Variants in HAUS6 observed in about 807,000 individuals in gnomAD.
The protein encoded by HAUS6 is HAUS augmin-like complex subunit 6.
A neutral mutation model predicts 106.8 loss-of-function variants in HAUS6; 80 were observed. The ratio of observed to expected loss-of-function variants is 0.75; its 90% CI spans 0.63 to 0.90. HAUS6 has a LOEUF of 0.90. Among genes scored for constraint, HAUS6 ranks in the 40% least tolerant of loss-of-function variants. The pLI, the probability that HAUS6 is intolerant of heterozygous loss-of-function variation, is 0.00. For missense variants in HAUS6, 1,155 were observed against 1,118.1 expected (o/e 1.03, Z -0.47); for synonymous variants, 356 against 379.1 (o/e 0.94, Z 0.71).
chr9:19,054,758 C>A lies in HAUS6; in HGVS notation c.*1585G>T, dbSNP rs1402308171. On this transcript the variant is annotated 3_prime_UTR_variant, in exon 17 of 17. Coordinates refer to ENST00000380502, the MANE Select transcript of HAUS6 (RefSeq NM_017645.5). ...ATTTCCTAGCAGCAGTTCTCAAACT[C>A]TTTCTCGAGCTTAAGAATTACCAAG... 3 of 152,186 alleles carry A rather than the reference C, an allele frequency of 2.0e-5. No homozygotes were observed. Among genetic ancestry groups the A allele is most frequent in the Admixed American group, 1.3e-4 (2 of 15,278 alleles). 9.4% of individuals were successfully genotyped at this position (152,186 alleles called of 1,614,324 possible).
At chr9:19,067,211 T>C (rs1836779044) in intron 12 of HAUS6, among the ~76,000 whole-genome samples, 1 of 152,212 alleles carries the variant, frequency 6.6e-6, no homozygotes, top group Non-Finnish European at 1.5e-5. Context: ...AGATGATGTA[T>C]TGCAGATAAA....
intron 12 of HAUS6, among the ~76,000 whole-genome samples, chr9:19,064,832 A>G (rs1836725586): frequency 6.6e-6 from 1 of 152,242 alleles, no homozygotes; most frequent in Admixed American, 6.5e-5. Flanking sequence ...CAGATATCAA[A>G]GGCAAAGAAT....
At chr9:19,099,352 G>C (rs774682186) in intron 1 of HAUS6, among the ~76,000 whole-genome samples, 1 of 152,084 alleles carries the variant, frequency 6.6e-6, no homozygotes, top group African/African-American at 2.4e-5. Flanking sequence ...ATTTTTAGTA[G>C]AGATAGGGTT....
chr9:19,054,688 C>A lies in HAUS6; in HGVS notation c.*1655G>T, dbSNP rs377416446. On this transcript the variant is annotated 3_prime_UTR_variant, in exon 17 of 17. Coordinates refer to ENST00000380502, the MANE Select transcript of HAUS6 (RefSeq NM_017645.5). ...CTCTACCCAAGTATATATGCAACAACGTACCTGCTTCTTAAAAGTACCACA... is the reference window on the plus strand; with the variant it reads ...CTCTACCCAAGTATATATGCAACAAAGTACCTGCTTCTTAAAAGTACCACA... The A allele has an allele frequency of 6.6e-6, 1 of 152,102 alleles. No homozygotes were observed. Among genetic ancestry groups the A allele is most frequent in the African/African-American group, 2.4e-5 (1 of 41,442 alleles). 9.4% of individuals were successfully genotyped at this position (152,102 alleles called of 1,614,324 possible). A position where few individuals can be genotyped will look rare whatever the true frequency, so the allele number is the denominator to read the frequency against.
chr9:19,090,960 C>A (rs189514655), intron 4 of HAUS6, among the ~76,000 whole-genome samples: 50 of 152,204 alleles, frequency 3.3e-4, no homozygotes, highest in Admixed American at 2.9e-3. Flanking sequence ...GGGACTTCCA[C>A]AATGTATTAA....
At chr9:19,093,091 T>C (rs1035440227) in intron 4 of HAUS6, 80 bp downstream of exon 4, 18 of 996,968 alleles carry the variant, frequency 1.8e-5, no homozygotes, top group Admixed American at 2.8e-5. Flanking sequence ...TTTACTAAGA[T>C]CTCTTCACGA....
chr9:19,097,630 C>T (rs1267031578), intron 1 of HAUS6, among the ~76,000 whole-genome samples: 1 of 152,108 alleles, frequency 6.6e-6, no homozygotes, highest in African/African-American at 2.4e-5. Context: ...GGAGAAAGCA[C>T]TGATTTGAAA....
At chr9:19,094,175 A>G in intron 3 of HAUS6, 142 bp downstream of exon 3, 1 of 524,936 alleles carries the variant, frequency 1.9e-6, no homozygotes. Flanking sequence ...AAAACCATCA[A>G]AGAAGACTAT....
In HAUS6 at chr9:19,083,048, G is replaced by C; in HGVS notation, c.700-5C>G. 9 of 1,562,094 alleles carry C rather than the reference G, an allele frequency of 5.8e-6. No homozygotes were observed. Among genetic ancestry groups the C allele is most frequent in the Non-Finnish European group, 6.9e-6 (8 of 1,156,662 alleles). On this transcript the variant is annotated splice_polypyrimidine_tract_variant and splice_region_variant and intron_variant, in intron 7 of 16. Transcript: ENST00000380502. ...TGAAGCCCACAAAGACCGAACCTTT[G>C]GAAACAGAAACAAAATATTAAAGTC... is the stretch of plus-strand genomic sequence containing the variant.
intron 16 of HAUS6, 103 bp from the exon 17 acceptor site, chr9:19,056,507 G>A (rs1291998697): frequency 1.5e-6 from 1 of 678,714 alleles, no homozygotes; most frequent in Non-Finnish European, 2.7e-6. Flanking sequence ...AAGGTTCATA[G>A]CTTTGCAAAT....
At position 19,064,192 on chromosome 9, in the gene HAUS6, C is replaced by G. The variant is rs540614116; in HGVS notation, c.1377-612G>C. 2.6e-5 allele frequency among the ~76,000 whole-genome samples: 4 copies of G among 152,232 alleles called. No homozygotes were observed. In the East Asian group the frequency reaches 7.7e-4, roughly 29 times the overall value. ...ATGTGAGTCAGGCTGGTCTCAAACT[C>G]CCGACCTCAGGTGATCCGCCCACCT... On this transcript the variant is annotated intron_variant, in intron 12 of 16. Coordinates refer to ENST00000380502, the MANE Select transcript of HAUS6 (RefSeq NM_017645.5).
chr9:19,101,655 C>T (rs1336934574), intron 1 of HAUS6, among the ~76,000 whole-genome samples: 2 of 152,182 alleles, frequency 1.3e-5, no homozygotes, highest in African/African-American at 4.8e-5. Context: ...GGCACGGTGG[C>T]TCACGCCTGT....
In HAUS6 at chr9:19,093,791, C is replaced by G. The variant is rs140317307; in HGVS notation, c.304-488G>C. Among the ~76,000 whole-genome samples, 757 of 152,200 alleles carry G rather than the reference C, an allele frequency of 5.0e-3. 8 individuals are homozygous for G. The highest frequency in any genetic ancestry group is 0.018 in the African/African-American group (735 of 41,504). ...GGCTGAGATGGGAGAATCATTCGAA[C>G]CTGGGAGACAGAGGTTGCAGTGAGC... is the stretch of plus-strand genomic sequence containing the variant. On this transcript the variant is annotated intron_variant, in intron 3 of 16. Coordinates refer to ENST00000380502, the MANE Select transcript of HAUS6 (RefSeq NM_017645.5).
At chr9:19,093,054 T>C in intron 4 of HAUS6, 117 bp downstream of exon 4, 1 of 710,548 alleles carries the variant, frequency 1.4e-6, no homozygotes, top group South Asian at 2.1e-5. Context: ...CTTTTTGGGG[T>C]ACATTAATGT....
chr9:19,065,705 G>A lies in HAUS6; in HGVS notation c.1377-2125C>T, dbSNP rs572839181. Among the ~76,000 whole-genome samples the A allele has an allele frequency of 2.0e-4, 30 of 152,008 alleles. 1 individual carries two copies. The South Asian group carries it at 5.8e-3, about 30-fold the overall frequency. ...AAAATACAAAAATTAGCCAGGTGTGGTCATGGGCGCCTGTAATCCCAGCTA... is the reference window on the plus strand; with the variant it reads ...AAAATACAAAAATTAGCCAGGTGTGATCATGGGCGCCTGTAATCCCAGCTA... On this transcript the variant is annotated intron_variant, in intron 12 of 16. Coordinates refer to ENST00000380502, the MANE Select transcript of HAUS6 (RefSeq NM_017645.5).
intron 2 of HAUS6, among the ~76,000 whole-genome samples, chr9:19,095,916 A>G (rs1201888489): frequency 6.6e-6 from 1 of 152,198 alleles, no homozygotes; most frequent in Middle Eastern, 3.2e-3. Context: ...ATGCTTTAAT[A>G]TATCAATGAA....
intron 1 of HAUS6, among the ~76,000 whole-genome samples, chr9:19,099,480 A>C (rs1005451724): frequency 2.7e-5 from 4 of 150,030 alleles, no homozygotes; most frequent in African/African-American, 9.8e-5. Context: ...TTTTGTTTTT[A>C]AGAGACAGGG....
intron 4 of HAUS6, among the ~76,000 whole-genome samples, chr9:19,091,299 GC>G (rs1337794624): frequency 8.1e-6 from 1 of 122,734 alleles, no homozygotes; most frequent in African/African-American, 2.7e-5. Flanking sequence ...GACTTCGTCT[GC>G]GAAAAAAAAA....
In HAUS6 at chr9:19,094,390, C is replaced by A. The variant is rs780715246; in HGVS notation, c.230G>T (p.Cys77Phe). Residue 77 changes from cysteine (C) to phenylalanine (F), a missense_variant, in exon 3 of 17, where the codon TGT becomes TTT. Cys to Phe is a radical substitution (Grantham distance 205). This residue lies in a region of HAUS6 where 761 missense variants were observed against 690.0 expected (regional missense o/e 1.10). Transcript: ENST00000380502. The stretch of plus-strand genomic sequence containing the variant: ...ACTTTTTTGGTCAAATGGGGGCCAA[C>A]AAAATCTGGAAAACAAAAATAAAAG... ...QSLTKEVFKF[C>F]WPPFDQKSDT... The A allele has an allele frequency of 8.2e-6, 13 of 1,587,770 alleles. No homozygotes were observed. Among genetic ancestry groups the A allele is most frequent in the African/African-American group, 8.1e-5 (6 of 73,836 alleles).
Sources: gnomAD v4.1 joint callset for allele counts (sites outside exome capture counted in the v4.1 genomes callset) on GRCh38, gnomAD v4.1.1 for gene constraint, gnomAD v4.1.1 regional missense constraint, MANE v1.5 for transcripts, NCBI Gene and HGNC (gene_info 2026-07-23, HGNC 2026-07-21) for gene names.